TRIM49: variants seen among roughly 807,000 people sequenced by gnomAD.
The protein encoded by TRIM49 is tripartite motif containing 49, also known as tripartite motif-containing protein 49.
Under a neutral mutation model 27.4 loss-of-function variants are expected in TRIM49, and 5 were observed. The ratio of observed to expected loss-of-function variants is 0.18; its 90% CI spans 0.10 to 0.38. TRIM49 has a LOEUF of 0.38. Ranked by LOEUF, TRIM49 falls within the 10% of genes least tolerant of loss-of-function variation. TRIM49 has a pLI of 1.00. For missense variants in TRIM49, 188 were observed against 487.5 expected (o/e 0.39, Z 5.79); for synonymous variants, 69 against 166.0 (o/e 0.42, Z 4.49).
the TRIM49 span, among the ~76,000 whole-genome samples, chr11:89,784,205 T>TC: frequency 1.8e-5 from 2 of 109,788 alleles, no homozygotes; most frequent in Non-Finnish European, 3.2e-5. Context: ...AAGCTGAACC[T>TC]CAACCAAATA....
the TRIM49 span, among the ~76,000 whole-genome samples, chr11:89,769,529 C>T: frequency 6.7e-5 from 9 of 134,890 alleles, 3 homozygotes; most frequent in African/African-American, 2.4e-4. Context: ...AGACCTCGTG[C>T]AGACAAGAGT....
chr11:89,774,297 C>A, the TRIM49 span, among the ~76,000 whole-genome samples: 3 of 151,270 alleles, frequency 2.0e-5, no homozygotes, highest in Admixed American at 6.5e-5. Flanking sequence ...ACCTTCCTTG[C>A]CCAGCTACTT....
chr11:89,784,747 C>T, the TRIM49 span, among the ~76,000 whole-genome samples: 2 of 143,710 alleles, frequency 1.4e-5, no homozygotes, highest in African/African-American at 5.6e-5. Context: ...AAATTTATTC[C>T]TGACATTCTT....
At chr11:89,787,173 G>C in the TRIM49 span, 6 of 231,110 alleles carry the variant, frequency 2.6e-5, no homozygotes, top group Non-Finnish European at 5.0e-5. Flanking sequence ...TGCCTGCAGA[G>C]GGTCAGGGAC....
In TRIM49 at chr11:89,808,559, G is replaced by A. The variant is rs1410988336; in HGVS notation, c.-313C>T. Reference sequence around the variant, plus strand: ...AAGCTTTGGTTTAAAGTCAATAGGGGGCAACTGGAAGATTAGAGTCCCATT... The same window carrying A: ...AAGCTTTGGTTTAAAGTCAATAGGGAGCAACTGGAAGATTAGAGTCCCATT... On this transcript the variant is annotated 5_prime_UTR_variant, in exon 1 of 8. Coordinates refer to ENST00000329758, the MANE Select transcript of TRIM49 (RefSeq NM_020358.2). 2 of 151,586 alleles carry A rather than the reference G, an allele frequency of 1.3e-5. No homozygotes were observed. Among genetic ancestry groups the A allele is most frequent in the African/African-American group, 4.9e-5 (2 of 40,960 alleles). The allele number at this position is 151,586 out of a possible 1,614,324, so 9.4% of individuals were successfully genotyped here.
At chr11:89,788,177 C>T in the TRIM49 span, among the ~76,000 whole-genome samples, 13,559 of 84,726 alleles carry the variant, frequency 0.16, 17 homozygotes, top group East Asian at 0.29. Context: ...GGTTGGGAGT[C>T]TGAGACTAGC....
At chr11:89,791,472 A>C in the TRIM49 span, among the ~76,000 whole-genome samples, 1 of 150,850 alleles carries the variant, frequency 6.6e-6, no homozygotes, top group African/African-American at 2.4e-5. Flanking sequence ...TGAAGGAAAA[A>C]ATGTTACAGG....
chr11:89,792,010 AG>A, the TRIM49 span, among the ~76,000 whole-genome samples: 1 of 148,558 alleles, frequency 6.7e-6, no homozygotes, highest in Non-Finnish European at 1.5e-5. Flanking sequence ...TCTCACGTGC[AG>A]AGACACACAT....
downstream of TRIM49, among the ~76,000 whole-genome samples, chr11:89,793,573 T>A (rs1163805622): frequency 6.6e-6 from 1 of 150,416 alleles, no homozygotes; most frequent in Non-Finnish European, 1.5e-5. Context: ...CCAAGGCTGG[T>A]TCAACATACG....
chr11:89,800,105 C>T (rs1273666133), intron 6 of TRIM49, among the ~76,000 whole-genome samples: 2 of 149,898 alleles, frequency 1.3e-5, no homozygotes, highest in African/African-American at 5.0e-5. Flanking sequence ...ATTCTGAGTT[C>T]CACTTCTTGG....
chr11:89,766,787 A>T, the TRIM49 span: 1 of 1,233,676 alleles, frequency 8.1e-7, no homozygotes, highest in African/African-American at 2.1e-5. Flanking sequence ...AGAGACTGAA[A>T]TGATTATCCA....
chr11:89,791,399 A>G, the TRIM49 span, among the ~76,000 whole-genome samples: 3 of 151,896 alleles, frequency 2.0e-5, no homozygotes, highest in Non-Finnish European at 4.4e-5. Flanking sequence ...AGAATACCAC[A>G]AAGATACTCC....
the TRIM49 span, among the ~76,000 whole-genome samples, chr11:89,788,368 A>AT: frequency 0.11 from 557 of 4,926 alleles, 2 homozygotes; most frequent in East Asian, 0.29. Flanking sequence ...CTCTGTCTCA[A>AT]TTTAAAAAAA....
intron 6 of TRIM49, among the ~76,000 whole-genome samples, chr11:89,800,628 G>A (rs113367508): frequency 2.0e-5 from 3 of 149,892 alleles, no homozygotes; most frequent in Non-Finnish European, 3.0e-5. Flanking sequence ...CTGTAGTCCC[G>A]GGTACTCGGG....
At position 89,806,026 on chromosome 11, in the gene TRIM49, T is replaced by A. The variant is rs538486260; in HGVS notation, c.-5+1073A>T. Reference sequence around the variant, plus strand: ...CGCGCCACAGTGCCCAGCCCGGCGGTTTCATTGTTTTAATATGATAGAATA... The same window carrying A: ...CGCGCCACAGTGCCCAGCCCGGCGGATTCATTGTTTTAATATGATAGAATA... On this transcript the variant is annotated intron_variant, in intron 2 of 7. Transcript: ENST00000329758. 1.9e-4 allele frequency among the ~76,000 whole-genome samples: 29 copies of A among 150,698 alleles called. No individual in the cohort carries two copies. The South Asian group carries it at 5.9e-3, about 31-fold the overall frequency.
intron 6 of TRIM49, among the ~76,000 whole-genome samples, chr11:89,800,073 C>G (rs1474396741): frequency 6.0e-5 from 9 of 150,102 alleles, no homozygotes; most frequent in Admixed American, 5.9e-4. Flanking sequence ...GCTTTATGGC[C>G]TTGAGAATAT....
At chr11:89,805,082 A>G (rs1421306176) in intron 2 of TRIM49, among the ~76,000 whole-genome samples, 1 of 151,928 alleles carries the variant, frequency 6.6e-6, no homozygotes, top group Non-Finnish European at 1.5e-5. Flanking sequence ...AAAGCCAACC[A>G]ACCAAATAAA....
intron 5 of TRIM49, 116 bp from the exon 6 acceptor site, chr11:89,801,104 C>T (rs1411925541): frequency 1.3e-6 from 2 of 1,484,384 alleles, no homozygotes; most frequent in Non-Finnish European, 9.1e-7. Context: ...ACCATCTTCT[C>T]TTCTGGAAAG....
the TRIM49 span, among the ~76,000 whole-genome samples, chr11:89,770,668 G>A: frequency 1.4e-5 from 2 of 140,480 alleles, no homozygotes; most frequent in Admixed American, 6.9e-5. Flanking sequence ...GACCATCCTG[G>A]CTAACACGGT....
Sources: gnomAD v4.1 joint callset for allele counts (sites outside exome capture counted in the v4.1 genomes callset) on GRCh38, gnomAD v4.1.1 for gene constraint, MANE v1.5 for transcripts, NCBI Gene and HGNC (gene_info 2026-07-23, HGNC 2026-07-21) for gene names.